LRP1B: variants seen among roughly 807,000 people sequenced by gnomAD.
The protein encoded by LRP1B is LDL receptor related protein 1B.
A neutral mutation model predicts 556.6 loss-of-function variants in LRP1B; 217 were observed. The observed-to-expected ratio is 0.39, with a 90% CI of 0.35 to 0.44. The LOEUF (loss-of-function observed/expected upper bound fraction) is 0.44. Among genes scored for constraint, LRP1B ranks in the 20% least tolerant of loss-of-function variants. LRP1B has a pLI of 1.00. For synonymous variants in LRP1B, 2,047 were observed against 1,865.8 expected (o/e 1.10, Z -2.50); for missense variants, 5,053 against 5,620.8 (o/e 0.90, Z 3.23).
chr2:141,430,995 G>A (rs892121916), intron 3 of LRP1B, among the ~76,000 whole-genome samples: 2 of 151,904 alleles, frequency 1.3e-5, no homozygotes, highest in Non-Finnish European at 2.9e-5. Flanking sequence ...AAATTAGCCA[G>A]GCATGGTGCC....
Position 140,517,018 on chromosome 2 carries a change from T to C in LRP1B, c.8027-7A>G. Reference sequence around the variant, plus strand: ...CATTTGTGTTTGTTTTGAACTGTGATAAAATATGGAATGTCAAACAATTTC... The same window carrying C: ...CATTTGTGTTTGTTTTGAACTGTGACAAAATATGGAATGTCAAACAATTTC... On this transcript the variant is annotated splice_polypyrimidine_tract_variant and splice_region_variant and intron_variant, in intron 49 of 90. Coordinates refer to ENST00000389484, the MANE Select transcript of LRP1B (RefSeq NM_018557.3). 1 of 1,560,596 alleles carries C rather than the reference T, an allele frequency of 6.4e-7. No homozygotes were observed. Among genetic ancestry groups the C allele is most frequent in the Non-Finnish European group, 8.8e-7 (1 of 1,131,796 alleles).
chr2:141,413,881 G>C (rs965117386), intron 3 of LRP1B, among the ~76,000 whole-genome samples: 6 of 151,742 alleles, frequency 4.0e-5, no homozygotes, highest in African/African-American at 1.5e-4. Context: ...GAGAGAGAGA[G>C]AGAGAGAGAG....
At chr2:141,151,307 T>G (rs1037007584) in intron 7 of LRP1B, among the ~76,000 whole-genome samples, 5 of 152,146 alleles carry the variant, frequency 3.3e-5, no homozygotes, top group Non-Finnish European at 5.9e-5. Context: ...ATCCTCTGCC[T>G]ACAAGTGATA....
At chr2:140,600,334 T>A (rs1264210484) in intron 42 of LRP1B, among the ~76,000 whole-genome samples, 1 of 152,090 alleles carries the variant, frequency 6.6e-6, no homozygotes, top group Non-Finnish European at 1.5e-5. Flanking sequence ...GGGAGCAGTC[T>A]CCCAAGCTCC....
chr2:141,664,876 C>G (rs1228747153), intron 2 of LRP1B, among the ~76,000 whole-genome samples: 2 of 151,942 alleles, frequency 1.3e-5, no homozygotes, highest in Non-Finnish European at 2.9e-5. Flanking sequence ...GATATGGAAC[C>G]AAAAAAGAGC....
chr2:140,651,411 G>A (rs1397996723), intron 41 of LRP1B, among the ~76,000 whole-genome samples: 2 of 147,158 alleles, frequency 1.4e-5, no homozygotes, highest in Non-Finnish European at 3.0e-5. Flanking sequence ...TAGATAACGA[G>A]TTAGTGGGTG....
At position 141,342,060 on chromosome 2, in the gene LRP1B, C is replaced by G. The variant is rs529690803; in HGVS notation, c.344-87419G>C. 3.8e-3 allele frequency among the ~76,000 whole-genome samples: 583 copies of G among 151,574 alleles called. 4 individuals are homozygous for G. Among genetic ancestry groups the G allele is most frequent in the African/African-American group, 0.014 (571 of 41,320 alleles). ...GAGATCAAGACCATTCTGGCTAACA[C>G]AATGAAACCCCGTCTCCACTAAAAA... On this transcript the variant is annotated intron_variant, in intron 3 of 90. Transcript: ENST00000389484.
At chr2:140,600,246 T>C (rs1488120264) in intron 42 of LRP1B, among the ~76,000 whole-genome samples, 2 of 152,132 alleles carry the variant, frequency 1.3e-5, no homozygotes, top group Non-Finnish European at 2.9e-5. Context: ...ACATTTATTA[T>C]TGTCCTGAGA....
intron 63 of LRP1B, 132 bp downstream of exon 63, chr2:140,450,436 G>C: frequency 1.5e-6 from 1 of 682,776 alleles, no homozygotes; most frequent in South Asian, 1.7e-5. Context: ...TTAAAGAATG[G>C]CATTTAAAAT....
At chr2:142,048,285 A>G (rs1300800335) in intron 1 of LRP1B, among the ~76,000 whole-genome samples, 5 of 152,056 alleles carry the variant, frequency 3.3e-5, no homozygotes, top group Admixed American at 6.6e-5. Context: ...GTACATACTT[A>G]CTTTTCTGGT....
intron 78 of LRP1B, 88 bp from the exon 79 acceptor site, chr2:140,334,647 C>T (rs1456934340): frequency 2.0e-5 from 13 of 655,014 alleles, no homozygotes; most frequent in Middle Eastern, 2.6e-4. Flanking sequence ...CTTCAGACCA[C>T]GTGCCTCAGA....
At chr2:141,104,034 A>G (rs1276862957) in intron 7 of LRP1B, among the ~76,000 whole-genome samples, 1 of 151,936 alleles carries the variant, frequency 6.6e-6, no homozygotes, top group Non-Finnish European at 1.5e-5. Context: ...TAATGTTTTA[A>G]TATATTGTTT....
intron 2 of LRP1B, among the ~76,000 whole-genome samples, chr2:141,651,800 A>T (rs1315314090): frequency 6.6e-6 from 1 of 152,192 alleles, no homozygotes; most frequent in Non-Finnish European, 1.5e-5. Context: ...GAAGTGTTTA[A>T]CTGAGGTTTA....
At chr2:140,989,079 A>G (rs549151285) in intron 17 of LRP1B, among the ~76,000 whole-genome samples, 7 of 152,132 alleles carry the variant, frequency 4.6e-5, no homozygotes, top group East Asian at 3.9e-4. Context: ...GGGGAAAAAA[A>G]CCTACTTCAC....
chr2:141,099,289 G>T (rs1700401932), intron 7 of LRP1B, among the ~76,000 whole-genome samples: 1 of 151,852 alleles, frequency 6.6e-6, no homozygotes, highest in South Asian at 2.1e-4. Flanking sequence ...TGCAAGTAAA[G>T]CTTATGAATA....
intron 43 of LRP1B, among the ~76,000 whole-genome samples, chr2:140,588,093 G>A (rs1682060059): frequency 6.6e-6 from 1 of 152,128 alleles, no homozygotes; most frequent in African/African-American, 2.4e-5. Flanking sequence ...ATTTTCGAAA[G>A]CAATAGGGAA....
At chr2:141,744,607 T>A (rs1271148541) in intron 2 of LRP1B, among the ~76,000 whole-genome samples, 1 of 152,160 alleles carries the variant, frequency 6.6e-6, no homozygotes, top group Non-Finnish European at 1.5e-5. Flanking sequence ...AGCTATTATC[T>A]CTCTCTCTAG....
chr2:141,322,599 C>T (rs1349748333), intron 3 of LRP1B, among the ~76,000 whole-genome samples: 1 of 151,988 alleles, frequency 6.6e-6, no homozygotes, highest in Admixed American at 6.6e-5. Context: ...TCTCTCTTTG[C>T]TGTGAGACTT....
chr2:141,216,515 G>T (rs1383106832), intron 6 of LRP1B, among the ~76,000 whole-genome samples: 1 of 152,136 alleles, frequency 6.6e-6, no homozygotes, highest in Non-Finnish European at 1.5e-5. Context: ...TGAAGCTGTG[G>T]GAAGGGGGCC....
Sources: gnomAD v4.1 joint callset for allele counts (sites outside exome capture counted in the v4.1 genomes callset) on GRCh38, gnomAD v4.1.1 for gene constraint, MANE v1.5 for transcripts, NCBI Gene and HGNC (gene_info 2026-07-23, HGNC 2026-07-21) for gene names.